The following SMYD3 variants were observed in gnomAD, a reference collection of about 807,000 sequenced individuals.
The protein encoded by SMYD3 is histone-lysine N-methyltransferase SMYD3.
In SMYD3, 36 loss-of-function variants were observed where a neutral mutation model predicts 57.7. That is an observed-to-expected ratio of 0.62 (90% CI 0.48 to 0.82). SMYD3 has a LOEUF of 0.82. Among genes scored for constraint, SMYD3 ranks in the 40% least tolerant of loss-of-function variants. SMYD3 has a pLI of 0.00. For missense variants in SMYD3, 515 were observed against 538.8 expected (o/e 0.96, Z 0.44); for synonymous variants, 211 against 195.0 (o/e 1.08, Z -0.68).
At chr1:245,752,794 C>A (rs2045445724) in intron 11 of SMYD3, among the ~76,000 whole-genome samples, 1 of 152,164 alleles carries the variant, frequency 6.6e-6, no homozygotes, top group Non-Finnish European at 1.5e-5. Context: ...CAGCCTGCTT[C>A]CTTGAGGAAA....
chr1:246,287,282 A>G (rs2064588285), intron 5 of SMYD3, among the ~76,000 whole-genome samples: 1 of 152,216 alleles, frequency 6.6e-6, no homozygotes, highest in Admixed American at 6.5e-5. Context: ...AATATTTTCT[A>G]ATATATATAG....
At chr1:245,860,478 C>T (rs576522914) in intron 9 of SMYD3, among the ~76,000 whole-genome samples, 6 of 152,282 alleles carry the variant, frequency 3.9e-5, no homozygotes, top group African/African-American at 1.4e-4. Flanking sequence ...ATTTTCTTTC[C>T]AGCAAAGGCC....
In SMYD3 at chr1:246,348,077, T is replaced by TATATATATATATATACAC; in HGVS notation, c.228+6953_228+6954insGTGTATATATATATATAT. ...AGAAAACGTTATATATATATATATATACACACACACCATCAAATACTATGA... is the reference window on the plus strand; with the variant it reads ...AGAAAACGTTATATATATATATATATATATATATATATATACACACACACACACCATCAAATACTATGA... On this transcript the variant is annotated intron_variant, in intron 2 of 11. Transcript: ENST00000490107. 1.8e-4 allele frequency among the ~76,000 whole-genome samples: 16 copies of TATATATATATATATACAC among 86,510 alleles called. 1 individual carries two copies. Among genetic ancestry groups the TATATATATATATATACAC allele is most frequent in the Admixed American group, 4.1e-4 (3 of 7,370 alleles). 56.8% of individuals were successfully genotyped at this position (86,510 alleles called of 152,430 possible).
At position 245,914,151 on chromosome 1, in the gene SMYD3, C is replaced by CA. The variant is rs1305357574; in HGVS notation, c.813+1378dup. Among the ~76,000 whole-genome samples the CA allele has an allele frequency of 3.9e-5, 6 of 152,264 alleles. No homozygotes were observed. The East Asian group carries it at 1.2e-3, about 29-fold the overall frequency. On this transcript the variant is annotated intron_variant, in intron 8 of 11. Transcript: ENST00000490107. ...AGGCCACTGCCATTACTTTTAATGGCAAAAACTGCAATAACTTTTGCACCC... is the reference window on the plus strand; with the variant it reads ...AGGCCACTGCCATTACTTTTAATGGCAAAAAACTGCAATAACTTTTGCACCC...
intron 5 of SMYD3, among the ~76,000 whole-genome samples, chr1:246,214,961 A>G (rs2063141399): frequency 6.6e-6 from 1 of 152,184 alleles, no homozygotes; most frequent in Admixed American, 6.5e-5. Context: ...ATTCATGGAA[A>G]CACTTAATTT....
At chr1:245,991,069 A>G (rs1372485438) in intron 5 of SMYD3, among the ~76,000 whole-genome samples, 1 of 152,272 alleles carries the variant, frequency 6.6e-6, no homozygotes, top group Non-Finnish European at 1.5e-5. Flanking sequence ...AGAAAAATTC[A>G]GTATCAAACA....
intron 5 of SMYD3, among the ~76,000 whole-genome samples, chr1:246,012,206 C>T (rs1016255718): frequency 6.6e-6 from 1 of 152,196 alleles, no homozygotes; most frequent in African/African-American, 2.4e-5. Flanking sequence ...AAGCCTTAGG[C>T]TCCATTACAT....
intron 1 of SMYD3, among the ~76,000 whole-genome samples, chr1:246,372,592 A>T (rs1196286972): frequency 1.3e-5 from 2 of 152,198 alleles, no homozygotes; most frequent in Non-Finnish European, 2.9e-5. Flanking sequence ...CTGAACATTT[A>T]AAAAGCCTAG....
At chr1:246,176,681 C>T (rs2062440493) in intron 5 of SMYD3, among the ~76,000 whole-genome samples, 2 of 152,234 alleles carry the variant, frequency 1.3e-5, no homozygotes, top group South Asian at 4.2e-4. Flanking sequence ...TGCCAACATG[C>T]CTGGCAAATT....
intron 5 of SMYD3, among the ~76,000 whole-genome samples, chr1:246,055,719 T>C (rs2148338892): frequency 6.6e-6 from 1 of 152,298 alleles, no homozygotes; most frequent in Non-Finnish European, 1.5e-5. Context: ...TGGTGAACTT[T>C]GAAGACATTA....
chr1:245,954,762 AGCC>A (rs1260697759), intron 5 of SMYD3, among the ~76,000 whole-genome samples: 2 of 152,216 alleles, frequency 1.3e-5, no homozygotes, highest in African/African-American at 2.4e-5. Flanking sequence ...TCTCACATTC[AGCC>A]CTTTCTTCCC....
intron 1 of SMYD3, among the ~76,000 whole-genome samples, chr1:246,434,104 G>A (rs140288421): frequency 1.3e-5 from 2 of 152,232 alleles, no homozygotes; most frequent in East Asian, 1.9e-4. Context: ...CTTTCATCAT[G>A]TACAGAAATT....
chr1:246,030,326 A>G (rs1004258970), intron 5 of SMYD3, among the ~76,000 whole-genome samples: 1 of 152,218 alleles, frequency 6.6e-6, no homozygotes, highest in Non-Finnish European at 1.5e-5. Context: ...ACAGAAAAAC[A>G]GATATCACAT....
At chr1:246,191,999 G>A (rs1572187514) in intron 5 of SMYD3, among the ~76,000 whole-genome samples, 1 of 152,324 alleles carries the variant, frequency 6.6e-6, no homozygotes, top group Non-Finnish European at 1.5e-5. Context: ...ACACTGGAGT[G>A]TTGTTATTAC....
intron 8 of SMYD3, among the ~76,000 whole-genome samples, chr1:245,902,469 G>A (rs930441758): frequency 2.6e-5 from 4 of 152,210 alleles, no homozygotes; most frequent in Admixed American, 2.0e-4. Flanking sequence ...GGATAAGCCT[G>A]CACATGGCAT....
chr1:246,174,082 C>CTG (rs2062391497), intron 5 of SMYD3, among the ~76,000 whole-genome samples: 2 of 152,118 alleles, frequency 1.3e-5, no homozygotes, highest in South Asian at 4.2e-4. Flanking sequence ...AGGGCTGGGA[C>CTG]TACAGGCATG....
intron 10 of SMYD3, among the ~76,000 whole-genome samples, chr1:245,834,041 T>A (rs2049984744): frequency 6.6e-6 from 1 of 152,230 alleles, no homozygotes; most frequent in Admixed American, 6.5e-5. Context: ...ACCTACAGTT[T>A]CCCAAACTAA....
chr1:245,959,725 C>T, intron 5 of SMYD3, among the ~76,000 whole-genome samples: 1 of 152,196 alleles, frequency 6.6e-6, no homozygotes, highest in East Asian at 1.9e-4. Flanking sequence ...GCATAACATT[C>T]ACAGAACAAA....
intron 5 of SMYD3, among the ~76,000 whole-genome samples, chr1:246,150,849 C>T (rs1253844583): frequency 6.6e-6 from 1 of 152,174 alleles, no homozygotes; most frequent in African/African-American, 2.4e-5. Context: ...GCCAAGAAGT[C>T]TTAAACATCA....
Sources: allele counts gnomAD v4.1 joint callset (sites outside exome capture counted in the v4.1 genomes callset), GRCh38; gene constraint gnomAD v4.1.1; transcripts MANE v1.5; gene names NCBI Gene and HGNC (gene_info 2026-07-23, HGNC 2026-07-21).